Variants in KAZN observed in about 807,000 individuals in gnomAD.
KAZN encodes kazrin.
KAZN carries 40 observed loss-of-function variants against 87.4 expected under a neutral mutation model. The ratio of observed to expected loss-of-function variants is 0.46; its 90% confidence interval spans 0.36 to 0.60. KAZN has a LOEUF of 0.60. Ranked by LOEUF, KAZN falls within the 20% of genes least tolerant of loss-of-function variation. KAZN has a pLI of 0.00. For synonymous variants in KAZN, 466 were observed against 458.3 expected, an observed-to-expected ratio of 1.02 and a Z score of -0.22; for missense variants, 898 against 1,073.9, an observed-to-expected ratio of 0.84 and a Z score of 2.29.
intron 1 of KAZN, among the ~76,000 whole-genome samples, chr1:14,789,355 C>T (rs1169304226): frequency 6.6e-6 from 1 of 152,184 alleles, no homozygotes; most frequent in East Asian, 1.9e-4. Context: ...CCATTCCGGT[C>T]AGCTGATGTG....
At chr1:14,232,080 G>A (rs942528969) in intron 2 of KAZN, among the ~76,000 whole-genome samples, 2 of 152,122 alleles carry the variant, frequency 1.3e-5, no homozygotes, top group African/African-American at 4.8e-5. Context: ...CAAAGGGGCT[G>A]GGAAATGTAG....
At position 13,942,396 on chromosome 1, in the gene KAZN, C is replaced by T. The variant is rs377184922; in HGVS notation, c.91+48640C>T. Among the ~76,000 whole-genome samples the T allele has an allele frequency of 1.3e-3, 190 of 147,076 alleles. 2 individuals are homozygous for T. The highest frequency in any genetic ancestry group is 4.1e-3 in the African/African-American group (162 of 39,546). ...TCTACTAAAAATACAAAAAATTAGCCGGGCGTGGTGGCGGGCGCCTGTAGT... is the reference window on the plus strand; with the variant it reads ...TCTACTAAAAATACAAAAAATTAGCTGGGCGTGGTGGCGGGCGCCTGTAGT... On this transcript the variant is annotated intron_variant, in intron 1 of 16. Transcript: ENST00000636203.
chr1:14,231,227 A>G (rs1219154086), intron 2 of KAZN, among the ~76,000 whole-genome samples: 2 of 152,232 alleles, frequency 1.3e-5, no homozygotes, highest in African/African-American at 2.4e-5. Flanking sequence ...CAATGAGATG[A>G]CTGTCATCAA....
At chr1:14,472,034 G>A (rs1463646337) in intron 2 of KAZN, among the ~76,000 whole-genome samples, 3 of 152,186 alleles carry the variant, frequency 2.0e-5, no homozygotes, top group African/African-American at 4.8e-5. Context: ...ACGATTCAGT[G>A]TCTGGTGAGG....
chr1:14,762,724 CAAA>C (rs1454159718), intron 1 of KAZN, among the ~76,000 whole-genome samples: 1 of 121,132 alleles, frequency 8.3e-6, no homozygotes, highest in Non-Finnish European at 1.8e-5. Context: ...GACTCTGTCT[CAAA>C]AAAAAAAAAA....
chr1:14,432,125 AG>A (rs1180769764), intron 2 of KAZN, among the ~76,000 whole-genome samples: 1 of 152,172 alleles, frequency 6.6e-6, no homozygotes, highest in East Asian at 1.9e-4. Context: ...TTTCCCCGCA[AG>A]CCTACTAGCA....
chr1:14,544,535 T>G (rs1673021598), intron 2 of KAZN, among the ~76,000 whole-genome samples: 1 of 151,874 alleles, frequency 6.6e-6, no homozygotes, highest in African/African-American at 2.4e-5. Context: ...TCTCCCTTCG[T>G]GCCTGGGAAC....
intron 1 of KAZN, among the ~76,000 whole-genome samples, chr1:14,133,615 T>A (rs1645045547): frequency 6.6e-6 from 1 of 151,962 alleles, no homozygotes; most frequent in African/African-American, 2.4e-5. Flanking sequence ...CTGTGCTCAG[T>A]GTGGTTGGGA....
chr1:14,033,267 C>T (rs12048045), intron 1 of KAZN, among the ~76,000 whole-genome samples: 1 of 152,232 alleles, frequency 6.6e-6, no homozygotes, highest in East Asian at 1.9e-4. Flanking sequence ...GCAAGGATAG[C>T]ACTCAGGAGC....
At chr1:14,850,100 T>A (rs1047844586) in intron 1 of KAZN, among the ~76,000 whole-genome samples, 1 of 152,006 alleles carries the variant, frequency 6.6e-6, no homozygotes, top group African/African-American at 2.4e-5. Flanking sequence ...CACACCCAGC[T>A]AATTTTTGTA....
At chr1:14,435,432 T>C (rs4661494) in intron 2 of KAZN, among the ~76,000 whole-genome samples, 10,730 of 152,176 alleles carry the variant, frequency 0.071, 597 homozygotes, top group South Asian at 0.11. Flanking sequence ...AGGAGGAGAA[T>C]AAACACCCCA....
chr1:14,615,127 T>C (rs1477888678), intron 1 of KAZN, among the ~76,000 whole-genome samples: 1 of 152,234 alleles, frequency 6.6e-6, no homozygotes, highest in Non-Finnish European at 1.5e-5. Flanking sequence ...AAATTGAGTT[T>C]ATTCTTTGGT....
chr1:14,894,976 T>G (rs980828844), intron 1 of KAZN, among the ~76,000 whole-genome samples: 3 of 152,264 alleles, frequency 2.0e-5, no homozygotes, highest in African/African-American at 7.2e-5. Context: ...CTTAGCCATT[T>G]GGCACAGAAG....
intron 1 of KAZN, among the ~76,000 whole-genome samples, chr1:14,924,763 G>T (rs953067752): frequency 6.6e-6 from 1 of 152,086 alleles, no homozygotes; most frequent in Non-Finnish European, 1.5e-5. Flanking sequence ...GAGTTCCTCG[G>T]CGTGGGGACC....
chr1:14,859,171 C>A (rs1374952099), intron 1 of KAZN, among the ~76,000 whole-genome samples: 1 of 150,564 alleles, frequency 6.6e-6, no homozygotes, highest in East Asian at 1.9e-4. Flanking sequence ...TGCGCCACTG[C>A]ACTCACTCCA....
chr1:14,311,635 CAG>C (rs1410261118), intron 2 of KAZN, among the ~76,000 whole-genome samples: 2 of 152,116 alleles, frequency 1.3e-5, no homozygotes, highest in Non-Finnish European at 2.9e-5. Context: ...CTCTGAAAGA[CAG>C]AGGCCTTCCT....
chr1:14,911,346 C>T (rs1657223279), intron 1 of KAZN, among the ~76,000 whole-genome samples: 1 of 152,320 alleles, frequency 6.6e-6, no homozygotes, highest in Admixed American at 6.5e-5. Context: ...TTCATGCTCT[C>T]TATGTCCCTG....
chr1:14,836,588 T>G (rs775923148), intron 1 of KAZN, among the ~76,000 whole-genome samples: 6 of 152,110 alleles, frequency 3.9e-5, no homozygotes, highest in Non-Finnish European at 8.8e-5. Flanking sequence ...CCAGACCCAC[T>G]TTGGTCTCTT....
At chr1:14,378,413 T>C (rs1033492280) in intron 2 of KAZN, among the ~76,000 whole-genome samples, 2 of 152,224 alleles carry the variant, frequency 1.3e-5, no homozygotes, top group South Asian at 2.1e-4. Flanking sequence ...ACAACCTTCA[T>C]GAGAACCAAA....
Sources: gnomAD v4.1 joint callset for allele counts (sites outside exome capture counted in the v4.1 genomes callset) on GRCh38, gnomAD v4.1.1 for gene constraint, MANE v1.5 for transcripts, NCBI Gene and HGNC (gene_info 2026-07-23, HGNC 2026-07-21) for gene names.